DGKB: variants seen among roughly 807,000 people sequenced by gnomAD.
The protein encoded by DGKB is diacylglycerol kinase beta.
Under a neutral mutation model 114.3 loss-of-function variants are expected in DGKB, and 67 were observed. The observed-to-expected ratio is 0.59, with a 90% confidence interval of 0.48 to 0.72. DGKB has a LOEUF of 0.72. Among genes scored for constraint, DGKB ranks in the 30% least tolerant of loss-of-function variants. The pLI, the probability that DGKB is intolerant of heterozygous loss-of-function variation, is 0.00. For synonymous variants in DGKB, 398 were observed against 323.1 expected (o/e 1.23, Z -2.49); for missense variants, 907 against 975.2 (o/e 0.93, Z 0.93).
chr7:14,354,885 C>T (rs562929969), intron 21 of DGKB, among the ~76,000 whole-genome samples: 17 of 152,198 alleles, frequency 1.1e-4, no homozygotes, highest in Middle Eastern at 3.4e-3. Context: ...GAATAAGAGC[C>T]TGACCATTTC....
intron 20 of DGKB, among the ~76,000 whole-genome samples, chr7:14,486,375 T>A (rs1783811145): frequency 6.6e-6 from 1 of 152,148 alleles, no homozygotes; most frequent in Non-Finnish European, 1.5e-5. Context: ...CCACATAGGA[T>A]CATGCAGAAT....
intron 1 of DGKB, among the ~76,000 whole-genome samples, chr7:14,952,128 A>T (rs1369750926): frequency 6.6e-6 from 1 of 152,166 alleles, no homozygotes; most frequent in South Asian, 2.1e-4. Flanking sequence ...ACATACATAT[A>T]CAAAGAGGAA....
At position 14,145,491 on chromosome 7, in the gene DGKB, C is replaced by T. The variant is rs1382606546; in HGVS notation, c.*3640G>A. 1 of 149,868 alleles carries T rather than the reference C, an allele frequency of 6.7e-6. No homozygotes were observed. Among genetic ancestry groups the T allele is most frequent in the Admixed American group, 6.7e-5 (1 of 14,936 alleles). 9.3% of individuals were successfully genotyped at this position (149,868 alleles called of 1,614,324 possible). ...TTTTTTTTTTTGAGACAGAGTCTGG[C>T]TCTGTCACCCAGGCTGGAGTGCAGT... On this transcript the variant is annotated 3_prime_UTR_variant, in exon 26 of 26. Coordinates refer to ENST00000402815, the MANE Select transcript of DGKB (RefSeq NM_001350709.2).
intron 20 of DGKB, among the ~76,000 whole-genome samples, chr7:14,504,049 A>T (rs1011347045): frequency 1.3e-5 from 2 of 152,208 alleles, no homozygotes; most frequent in African/African-American, 4.8e-5. Context: ...ATGTGCAGTT[A>T]TGTTTGGTAT....
upstream of DGKB, among the ~76,000 whole-genome samples, chr7:14,904,153 C>G (rs1211581501): frequency 6.6e-6 from 1 of 152,108 alleles, no homozygotes; most frequent in East Asian, 1.9e-4. Flanking sequence ...AACATTTGCT[C>G]TAGTAATAGT....
At chr7:14,702,340 T>C (rs981856174) in intron 6 of DGKB, among the ~76,000 whole-genome samples, 19 of 152,038 alleles carry the variant, frequency 1.2e-4, no homozygotes, top group Non-Finnish European at 2.2e-4. Context: ...GAGTGCAAAA[T>C]AACAGGTTCT....
chr7:14,700,811 TTAA>T (rs1208647817), intron 7 of DGKB, among the ~76,000 whole-genome samples: 5 of 152,204 alleles, frequency 3.3e-5, no homozygotes, highest in Middle Eastern at 6.3e-3. Context: ...ACATTTGTTT[TTAA>T]TAATATTAAA....
At chr7:14,725,268 T>A (rs1829847759) in intron 5 of DGKB, among the ~76,000 whole-genome samples, 1 of 152,192 alleles carries the variant, frequency 6.6e-6, no homozygotes, top group African/African-American at 2.4e-5. Flanking sequence ...AAATTATTAA[T>A]GAATTTAAAT....
intron 1 of DGKB, among the ~76,000 whole-genome samples, chr7:14,896,433 T>G (rs990602507): frequency 6.6e-6 from 1 of 151,578 alleles, no homozygotes; most frequent in Admixed American, 6.6e-5. Context: ...TCTTACAAAG[T>G]GTTTATAATA....
chr7:14,598,111 T>C (rs965168430), intron 17 of DGKB, among the ~76,000 whole-genome samples: 1 of 152,168 alleles, frequency 6.6e-6, no homozygotes, highest in African/African-American at 2.4e-5. Flanking sequence ...ATCACTAATA[T>C]CTAATGTCTC....
intron 13 of DGKB, among the ~76,000 whole-genome samples, chr7:14,663,412 T>C (rs964293129): frequency 2.0e-5 from 3 of 152,054 alleles, no homozygotes; most frequent in Non-Finnish European, 4.4e-5. Flanking sequence ...TTATTATTGA[T>C]CTATATCAAT....
chr7:14,793,085 G>A (rs553289792), intron 2 of DGKB, among the ~76,000 whole-genome samples: 12 of 152,016 alleles, frequency 7.9e-5, no homozygotes, highest in East Asian at 3.9e-4. Flanking sequence ...AAACATATGC[G>A]TATGTAATAC....
intron 6 of DGKB, among the ~76,000 whole-genome samples, chr7:14,712,306 G>A (rs1192508076): frequency 6.6e-6 from 1 of 152,102 alleles, no homozygotes; most frequent in African/African-American, 2.4e-5. Context: ...GTTCTAGAAA[G>A]AGAACAACTA....
intron 23 of DGKB, among the ~76,000 whole-genome samples, chr7:14,327,845 T>C (rs757187933): frequency 2.0e-4 from 31 of 152,170 alleles, no homozygotes; most frequent in Admixed American, 2.0e-4. Flanking sequence ...CACTGATTAA[T>C]ACATTATTTC....
chr7:14,448,363 A>G (rs1399086387), intron 21 of DGKB, among the ~76,000 whole-genome samples: 1 of 152,052 alleles, frequency 6.6e-6, no homozygotes, highest in Non-Finnish European at 1.5e-5. Flanking sequence ...GGTGTTGGGA[A>G]GATAATCAGC....
chr7:14,179,718 A>G (rs937558898), intron 23 of DGKB, among the ~76,000 whole-genome samples: 2 of 152,202 alleles, frequency 1.3e-5, no homozygotes, highest in Non-Finnish European at 2.9e-5. Context: ...TTTAAAAAGA[A>G]TATGCAACCA....
In DGKB at chr7:14,296,601, C is replaced by A. The variant is rs189164885; in HGVS notation, c.2122+41914G>T. Among the ~76,000 whole-genome samples the A allele has an allele frequency of 3.3e-3, 503 of 152,046 alleles. 3 individuals are homozygous for A. The highest frequency in any genetic ancestry group is 0.012 in the African/African-American group (486 of 41,488). On this transcript the variant is annotated intron_variant, in intron 23 of 25. Coordinates refer to ENST00000402815, the MANE Select transcript of DGKB (RefSeq NM_001350709.2). ...CCAAACATGAGAAAGCAGGAAAAATCTAAAATGGACACCCTAACTTCACAA... is the reference window on the plus strand; with the variant it reads ...CCAAACATGAGAAAGCAGGAAAAATATAAAATGGACACCCTAACTTCACAA...
At chr7:14,855,479 A>ACAGACATAG (rs1334061856) in intron 1 of DGKB, among the ~76,000 whole-genome samples, 1 of 152,192 alleles carries the variant, frequency 6.6e-6, no homozygotes, top group African/African-American at 2.4e-5. Flanking sequence ...GCATTGACCA[A>ACAGACATAG]CAGACATAGC....
intron 23 of DGKB, among the ~76,000 whole-genome samples, chr7:14,319,987 T>A (rs1807425320): frequency 6.6e-6 from 1 of 152,192 alleles, no homozygotes; most frequent in Non-Finnish European, 1.5e-5. Context: ...CTCCCAGAGC[T>A]CTGCTCATTG....
Sources: allele counts gnomAD v4.1 joint callset (sites outside exome capture counted in the v4.1 genomes callset), GRCh38; gene constraint gnomAD v4.1.1; transcripts MANE v1.5; gene names NCBI Gene and HGNC (gene_info 2026-07-23, HGNC 2026-07-21).